The following SESN3 variants were observed in gnomAD, a reference collection of about 807,000 sequenced individuals.
The protein encoded by SESN3 is sestrin 3.
In SESN3, 21 loss-of-function variants were observed where a neutral mutation model predicts 55.3. That is an observed-to-expected ratio of 0.38 (90% CI 0.27 to 0.55). SESN3 has a LOEUF of 0.55. SESN3 is among the 20% of genes least tolerant of loss of function. The pLI, the probability that SESN3 is intolerant of heterozygous loss-of-function variation, is 0.76. For missense variants in SESN3, 408 were observed against 604.3 expected, an observed-to-expected ratio of 0.68 and a Z score of 3.41; for synonymous variants, 181 against 203.1, an observed-to-expected ratio of 0.89 and a Z score of 0.93.
intron 1 of SESN3, among the ~76,000 whole-genome samples, chr11:95,222,649 A>C (rs2134268706): frequency 6.6e-6 from 1 of 152,338 alleles, no homozygotes. Flanking sequence ...TGTAATTGTT[A>C]ATTATAATTC....
intron 1 of SESN3, among the ~76,000 whole-genome samples, chr11:95,210,674 C>T (rs763870889): frequency 1.3e-5 from 2 of 152,120 alleles, no homozygotes; most frequent in Non-Finnish European, 2.9e-5. Flanking sequence ...TTGCATTCTA[C>T]CACTACATCA....
intron 1 of SESN3, among the ~76,000 whole-genome samples, chr11:95,216,097 CAAAAAAAAAAAAGAAA>C (rs1276537191): frequency 5.3e-4 from 27 of 51,424 alleles, no homozygotes; most frequent in African/African-American, 1.6e-3. Context: ...GACTCCATCT[CAAAAAAAAAAAAGAAA>C]AAAAAAAAAA....
chr11:95,218,233 G>C (rs1164819359), intron 1 of SESN3, among the ~76,000 whole-genome samples: 2 of 152,208 alleles, frequency 1.3e-5, no homozygotes, highest in Admixed American at 6.5e-5. Flanking sequence ...TGGCCTGTAA[G>C]CCCAAAATAT....
intron 1 of SESN3, among the ~76,000 whole-genome samples, chr11:95,211,492 T>C (rs1283909472): frequency 6.6e-6 from 1 of 152,060 alleles, no homozygotes; most frequent in East Asian, 1.9e-4. Context: ...TCTATACAAC[T>C]ATAAAAGGCT....
rs181051356 is a variant in SESN3, at chr11:95,219,343, T to C, written c.78+11440A>G. ...TAGTTTTAAGTTTTTTTTTCTTTAC[T>C]GGAGCACATTTGCTGGACTGACTTG... On this transcript the variant is annotated intron_variant, in intron 1 of 9. Transcript: ENST00000536441. 9.2e-5 allele frequency among the ~76,000 whole-genome samples: 14 copies of C among 152,314 alleles called. 1 individual carries two copies. The highest frequency in any genetic ancestry group is 7.8e-4 in the Admixed American group (12 of 15,296).
rs567799837 is a variant in SESN3, at chr11:95,175,763, C to A, written c.1248-121G>T. On this transcript the variant is annotated intron_variant, in intron 8 of 9. Transcript: ENST00000536441. ...CTAAAAGCTCGTTAATTAATTGAAT[C>A]AACAAATGTTTACTGAGTACCCATT... 18 of 805,178 alleles carry A rather than the reference C, an allele frequency of 2.2e-5. No individual in the cohort carries two copies. In the East Asian group the frequency reaches 4.8e-4, roughly 22 times the overall value. The allele number at this position is 805,178 out of a possible 1,614,324, so 49.9% of individuals were successfully genotyped here. A position where few individuals can be genotyped will look rare whatever the true frequency, so the allele number is the denominator to read the frequency against.
chr11:95,215,406 C>T (rs759896332), intron 1 of SESN3, among the ~76,000 whole-genome samples: 1 of 152,178 alleles, frequency 6.6e-6, no homozygotes, highest in Non-Finnish European at 1.5e-5. Context: ...ATACTTCAAC[C>T]TTTCTCAAAA....
rs569908244 is a variant in SESN3 at position 95,183,076 on chromosome 11, T to G, written c.937+1344A>C. 9.2e-5 allele frequency among the ~76,000 whole-genome samples: 14 copies of G among 152,250 alleles called. No homozygotes were observed. In the South Asian group the frequency reaches 2.5e-3, roughly 27 times the overall value. ...ACATTCTGCTATGAGTTACAATTAT[T>G]TTTTTGCTACTAGAATGAGAGTGCC... On this transcript the variant is annotated intron_variant, in intron 6 of 9. Coordinates refer to ENST00000536441, the MANE Select transcript of SESN3 (RefSeq NM_144665.4).
chr11:95,180,956 A>G (rs1458803771), intron 6 of SESN3, among the ~76,000 whole-genome samples: 1 of 152,154 alleles, frequency 6.6e-6, no homozygotes, highest in Non-Finnish European at 1.5e-5. Flanking sequence ...TAATAATATA[A>G]ATGAAGCAAA....
At chr11:95,194,259 C>T (rs1283928995) in intron 1 of SESN3, among the ~76,000 whole-genome samples, 1 of 152,018 alleles carries the variant, frequency 6.6e-6, no homozygotes, top group African/African-American at 2.4e-5. Context: ...CTTCTTCTCA[C>T]CCTCCCTTTC....
intron 4 of SESN3, 38 bp from the exon 5 acceptor site, chr11:95,185,530 T>C (rs1860146768): frequency 2.3e-6 from 3 of 1,285,194 alleles, no homozygotes; most frequent in Non-Finnish European, 3.4e-6. Flanking sequence ...ATATAAAAAT[T>C]CTAGAATGCT....
At chr11:95,218,464 C>A (rs1323522688) in intron 1 of SESN3, among the ~76,000 whole-genome samples, 1 of 152,142 alleles carries the variant, frequency 6.6e-6, no homozygotes, top group Non-Finnish European at 1.5e-5. Context: ...TAAAGATATT[C>A]ATATAGTATT....
At chr11:95,229,484 T>A (rs1174636056) in intron 1 of SESN3, among the ~76,000 whole-genome samples, 1 of 151,736 alleles carries the variant, frequency 6.6e-6, no homozygotes, top group East Asian at 1.9e-4. Flanking sequence ...AAATCTGCAA[T>A]CCCTTTGCTC....
intron 1 of SESN3, among the ~76,000 whole-genome samples, chr11:95,206,146 T>A (rs1459855421): frequency 1.3e-5 from 2 of 152,054 alleles, no homozygotes; most frequent in Non-Finnish European, 2.9e-5. Flanking sequence ...ATAAACCTCA[T>A]AAAAGTGGTT....
At chr11:95,211,101 T>C (rs10831317) in intron 1 of SESN3, among the ~76,000 whole-genome samples, 1 of 152,054 alleles carries the variant, frequency 6.6e-6, no homozygotes, top group Non-Finnish European at 1.5e-5. Flanking sequence ...TACTTCCTGG[T>C]GCATAGAAAA....
intron 1 of SESN3, among the ~76,000 whole-genome samples, chr11:95,207,666 G>A (rs989936352): frequency 6.6e-6 from 1 of 151,314 alleles, no homozygotes; most frequent in Non-Finnish European, 1.5e-5. Context: ...AAACTGATAC[G>A]TTCTGGATTT....
chr11:95,212,986 CT>C (rs994684290), intron 1 of SESN3, among the ~76,000 whole-genome samples: 5 of 152,080 alleles, frequency 3.3e-5, no homozygotes, highest in African/African-American at 1.2e-4. Context: ...GCTTTTTAAA[CT>C]TTTATAAAAT....
intron 4 of SESN3, among the ~76,000 whole-genome samples, chr11:95,189,179 T>C (rs987095499): frequency 1.3e-5 from 2 of 151,882 alleles, no homozygotes; most frequent in Admixed American, 1.3e-4. Context: ...GCTAAGCATA[T>C]TGAATAATGA....
At chr11:95,180,151 A>T (rs1591048226) in intron 6 of SESN3, among the ~76,000 whole-genome samples, 1 of 152,194 alleles carries the variant, frequency 6.6e-6, no homozygotes, top group African/African-American at 2.4e-5. Flanking sequence ...TATTTTCATT[A>T]TAAGTATTTT....
Sources: gnomAD v4.1 joint callset for allele counts (sites outside exome capture counted in the v4.1 genomes callset) on GRCh38, gnomAD v4.1.1 for gene constraint, MANE v1.5 for transcripts, NCBI Gene and HGNC (gene_info 2026-07-23, HGNC 2026-07-21) for gene names.